Variants in TRHDE observed in about 807,000 individuals in gnomAD.
TRHDE encodes thyrotropin releasing hormone degrading enzyme.
In TRHDE, 72 loss-of-function variants were observed where a neutral mutation model predicts 125.7. The observed-to-expected ratio is 0.57, with a 90% CI of 0.47 to 0.70. The LOEUF is 0.70. Among genes scored for constraint, TRHDE ranks in the 30% least tolerant of loss-of-function variants. TRHDE has a pLI of 0.00. For synonymous variants in TRHDE, 509 were observed against 509.1 expected (o/e 1.00, Z 0.00); for missense variants, 1,110 against 1,327.1 (o/e 0.84, Z 2.54).
intron 12 of TRHDE, among the ~76,000 whole-genome samples, chr12:72,581,213 A>T (rs955740273): frequency 4.6e-5 from 7 of 152,220 alleles, no homozygotes; most frequent in African/African-American, 1.7e-4. Context: ...GAAATTATTT[A>T]TCAGTTATTA....
rs998623927 is a variant in TRHDE, at chr12:72,666,984, T to G, written c.*3789T>G. On this transcript the variant is annotated 3_prime_UTR_variant, in exon 19 of 19. Transcript: ENST00000261180. Reference sequence around the variant, plus strand: ...TTTATCTGACAAATTCTGTCTATAGTAACAGATGGTCAGAATGCAGATAAA... The same window carrying G: ...TTTATCTGACAAATTCTGTCTATAGGAACAGATGGTCAGAATGCAGATAAA... The G allele has an allele frequency of 6.6e-6, 1 of 152,032 alleles. No individual in the cohort carries two copies. The highest frequency in any genetic ancestry group is 1.9e-4 in the East Asian group (1 of 5,170). 9.4% of individuals were successfully genotyped at this position (152,032 alleles called of 1,614,324 possible).
intron 5 of TRHDE, among the ~76,000 whole-genome samples, chr12:72,492,304 T>C (rs1321954366): frequency 6.6e-6 from 1 of 151,958 alleles, no homozygotes; most frequent in African/African-American, 2.4e-5. Context: ...AATTTTTCAC[T>C]GGTAAATCTA....
intron 6 of TRHDE, among the ~76,000 whole-genome samples, chr12:72,505,478 A>T (rs531870532): frequency 6.6e-6 from 1 of 152,286 alleles, no homozygotes; most frequent in African/African-American, 2.4e-5. Context: ...ATGCTCATTA[A>T]ATTTACATAT....
At chr12:72,391,584 G>A (rs1450009780) in intron 3 of TRHDE, among the ~76,000 whole-genome samples, 2 of 152,054 alleles carry the variant, frequency 1.3e-5, no homozygotes, top group East Asian at 1.9e-4. Context: ...AGAATAGGAT[G>A]TTTTTAAGCT....
chr12:72,148,957 C>T (rs564546427), intron 2 of TRHDE, among the ~76,000 whole-genome samples: 7 of 152,150 alleles, frequency 4.6e-5, no homozygotes, highest in African/African-American at 7.2e-5. Context: ...TATGCTCAAA[C>T]GACTTTTCAC....
chr12:72,583,090 A>G (rs1296280006), intron 12 of TRHDE, among the ~76,000 whole-genome samples: 1 of 152,192 alleles, frequency 6.6e-6, no homozygotes, highest in African/African-American at 2.4e-5. Context: ...TATTAGATTC[A>G]TTTGAGAGTG....
chr12:72,583,689 A>G (rs1871327612), intron 12 of TRHDE, among the ~76,000 whole-genome samples: 1 of 152,146 alleles, frequency 6.6e-6, no homozygotes, highest in Admixed American at 6.5e-5. Flanking sequence ...AGCCTAGAGT[A>G]TATTTCTGGA....
chr12:72,411,305 T>A (rs1055605513), intron 3 of TRHDE, among the ~76,000 whole-genome samples: 2 of 151,900 alleles, frequency 1.3e-5, no homozygotes, highest in Non-Finnish European at 2.9e-5. Flanking sequence ...TAATGAGAAT[T>A]CAATAAGGTG....
intron 9 of TRHDE, among the ~76,000 whole-genome samples, chr12:72,567,000 A>G (rs1844642): frequency 0.27 from 40,404 of 151,848 alleles, 8,112 homozygotes; most frequent in African/African-American, 0.54. Context: ...ATAGTTGGGC[A>G]TCATGGTCTC....
Position 72,621,183 on chromosome 12 carries a change from G to T in TRHDE, c.2545G>T (p.Val849Phe). The T allele has an allele frequency of 2.5e-6, 4 of 1,611,094 alleles. No homozygotes were observed. Among genetic ancestry groups the T allele is most frequent in the Non-Finnish European group, 3.4e-6 (4 of 1,177,776 alleles). ...GAAAAATAATTTTAATGGATCTCTTGTTCAAGCATCCTACCAACATGAGTA... is the reference window on the plus strand; with the variant it reads ...GAAAAATAATTTTAATGGATCTCTTTTTCAAGCATCCTACCAACATGAGTA... ...WPKNNFNGSL[V>F]QASYQHEELR... is the part of the protein sequence containing the mutation. The change falls in exon 14 of 19, where the codon GTT (valine) becomes TTT (phenylalanine). Residue 849 changes from valine (V) to phenylalanine (F), a missense_variant. Val to Phe is a conservative substitution (Grantham distance 50). Coordinates refer to ENST00000261180, the MANE Select transcript of TRHDE (RefSeq NM_013381.3).
intron 15 of TRHDE, among the ~76,000 whole-genome samples, chr12:72,637,111 C>T (rs936590653): frequency 4.1e-4 from 63 of 152,168 alleles, no homozygotes; most frequent in African/African-American, 9.6e-4. Flanking sequence ...TGGTAGAATT[C>T]GGCTGTGAAT....
chr12:72,370,196 A>G (rs1259884604), intron 2 of TRHDE, among the ~76,000 whole-genome samples: 3 of 152,170 alleles, frequency 2.0e-5, no homozygotes, highest in African/African-American at 7.2e-5. Flanking sequence ...TGTGACTACA[A>G]TTGGCTTTAC....
intron 2 of TRHDE, among the ~76,000 whole-genome samples, chr12:72,121,082 C>T (rs898750685): frequency 1.3e-5 from 2 of 152,062 alleles, no homozygotes; most frequent in Admixed American, 1.3e-4. Context: ...TCTTTCTGTT[C>T]AAGGTATGAG....
chr12:72,473,060 A>C lies in TRHDE; in HGVS notation c.1471-7A>C, dbSNP rs768120030. On this transcript the variant is annotated splice_region_variant and splice_polypyrimidine_tract_variant and intron_variant, in intron 4 of 18. Transcript: ENST00000261180. The stretch of plus-strand genomic sequence containing the variant: ...TTATTTGATGACCATTAATTTTGTT[A>C]CTGCAGTGGTTTGGTGACCTTGTGA... 2.5e-6 allele frequency: 4 copies of C among 1,604,840 alleles called. No individual in the cohort carries two copies. The highest frequency in any genetic ancestry group is 1.3e-5 in the African/African-American group (1 of 74,686).
chr12:72,126,835 G>A (rs1875724368), intron 2 of TRHDE, among the ~76,000 whole-genome samples: 1 of 152,044 alleles, frequency 6.6e-6, no homozygotes, highest in Non-Finnish European at 1.5e-5. Flanking sequence ...TGACATAACT[G>A]AAAATTGACA....
At chr12:72,476,814 A>G (rs532972455) in intron 5 of TRHDE, among the ~76,000 whole-genome samples, 43 of 152,342 alleles carry the variant, frequency 2.8e-4, no homozygotes, top group South Asian at 6.2e-4. Context: ...GACTTAGGCC[A>G]GTATACTTCG....
chr12:72,142,567 C>A (rs1243614563), intron 2 of TRHDE, among the ~76,000 whole-genome samples: 1 of 152,130 alleles, frequency 6.6e-6, no homozygotes, highest in Non-Finnish European at 1.5e-5. Flanking sequence ...GCAAAGGTCT[C>A]ACCCTCAAGC....
intron 3 of TRHDE, among the ~76,000 whole-genome samples, chr12:72,426,430 A>G (rs1021555604): frequency 2.6e-5 from 4 of 152,176 alleles, no homozygotes; most frequent in Admixed American, 6.6e-5. Flanking sequence ...TGAAGATTTA[A>G]AAAATAACAA....
intron 2 of TRHDE, among the ~76,000 whole-genome samples, chr12:72,166,310 T>C (rs1394422608): frequency 1.3e-5 from 2 of 151,642 alleles, no homozygotes; most frequent in Non-Finnish European, 2.9e-5. Flanking sequence ...TGTGGAGATA[T>C]ATATATATAC....
Sources: gnomAD v4.1 joint callset for allele counts (sites outside exome capture counted in the v4.1 genomes callset) on GRCh38, gnomAD v4.1.1 for gene constraint, MANE v1.5 for transcripts, NCBI Gene and HGNC (gene_info 2026-07-23, HGNC 2026-07-21) for gene names.